Variants in FABP6 observed in about 807,000 individuals in gnomAD.
FABP6 encodes the protein fatty acid binding protein 6.
Under a neutral mutation model 14.9 loss-of-function variants are expected in FABP6, and 13 were observed. That is an observed-to-expected ratio of 0.87 (90% CI 0.57 to 1.39). FABP6 has a LOEUF of 1.39. Ranked by LOEUF, FABP6 falls within the 40% of genes most tolerant of loss-of-function variation. The probability of loss-of-function intolerance (pLI) is 0.00; values close to 1 mark genes in which losing one functional copy is unlikely to be tolerated. For missense variants in FABP6, 161 were observed against 167.2 expected, an observed-to-expected ratio of 0.96 and a Z score of 0.20; for synonymous variants, 75 against 63.6, an observed-to-expected ratio of 1.18 and a Z score of -0.85.
chr5:160,191,010 A>G (rs1759382764), intron 1 of FABP6, among the ~76,000 whole-genome samples: 1 of 149,592 alleles, frequency 6.7e-6, no homozygotes, highest in South Asian at 2.1e-4. Context: ...AATCGCTTGA[A>G]CCCAGGAGGC....
upstream of FABP6, chr5:160,229,398 C>G (rs1455531592): frequency 6.8e-7 from 1 of 1,478,316 alleles, no homozygotes; most frequent in Non-Finnish European, 9.0e-7. Context: ...CATCATAAAA[C>G]AGCAAGTGCT....
upstream of FABP6, chr5:160,229,327 G>C (rs1206732454): frequency 2.1e-6 from 2 of 940,770 alleles, no homozygotes; most frequent in African/African-American, 3.3e-5. Context: ...GCTGGCAATG[G>C]GGTGACAGCA....
rs201586051 is a variant in FABP6 at position 160,229,583 on chromosome 5, T to A, written c.26T>A (p.Met9Lys). 14 of 1,613,976 alleles carry A rather than the reference T, an allele frequency of 8.7e-6. No homozygotes were observed. In the East Asian group the frequency reaches 2.9e-4, roughly 33 times the overall value. MAFTGKFE[M>K]ESEKNYDEFM... ...ATGGCTTTCACCGGCAAGTTCGAGA[T>A]GGAGAGTGAGAAGAATTATGATGAG... The change falls in exon 1 of 4, where the codon ATG becomes AAG. Residue 9 changes from methionine (M) to lysine (K), a missense_variant. Coordinates refer to ENST00000402432, the MANE Select transcript of FABP6 (RefSeq NM_001445.3).
At chr5:160,222,279 A>C (rs928602163) in intron 3 of FABP6, among the ~76,000 whole-genome samples, 3 of 151,866 alleles carry the variant, frequency 2.0e-5, no homozygotes, top group Non-Finnish European at 4.4e-5. Context: ...TTTAGTAGAG[A>C]TGAGGTCTCT....
chr5:160,191,805 CA>C (rs144615205), intron 1 of FABP6, among the ~76,000 whole-genome samples: 75,121 of 130,060 alleles, frequency 0.58, 21,117 homozygotes, highest in East Asian at 0.76. Flanking sequence ...ACTAAAAATA[CA>C]AAAAAAAAAA....
At chr5:160,206,876 C>A (rs1299565095) in intron 2 of FABP6, among the ~76,000 whole-genome samples, 2 of 152,178 alleles carry the variant, frequency 1.3e-5, no homozygotes, top group African/African-American at 2.4e-5. Flanking sequence ...CTAGACACAG[C>A]ACCAAGGCAA....
At chr5:160,201,674 C>T (rs1440227328) in intron 2 of FABP6, among the ~76,000 whole-genome samples, 2 of 151,896 alleles carry the variant, frequency 1.3e-5, no homozygotes, top group African/African-American at 4.8e-5. Context: ...CTTCCTCTTT[C>T]CCCTCCCCCT....
rs764264956 is a variant in FABP6, at chr5:160,232,146, C to T, written c.116C>T (p.Thr39Met). The change falls in exon 2 of 4, where the codon ACG becomes ATG. Residue 39 changes from threonine (T) to methionine (M), a missense_variant. Coordinates refer to ENST00000402432, the MANE Select transcript of FABP6 (RefSeq NM_001445.3). ...AAGGCCCGCAACTTCAAGATCGTCA[C>T]GGAGGTGCAGCAGGATGGGCAGGAC... ...IEKARNFKIV[T>M]EVQQDGQDFT... 85 of 1,613,928 alleles carry T rather than the reference C, an allele frequency of 5.3e-5. No homozygotes were observed. Among genetic ancestry groups the T allele is most frequent in the Non-Finnish European group, 2.6e-5 (31 of 1,180,012 alleles).
At chr5:160,227,525 CAAA>C (rs10645896), upstream of FABP6, among the ~76,000 whole-genome samples, 4 of 99,514 alleles carry the variant, frequency 4.0e-5, no homozygotes, top group Non-Finnish European at 4.0e-5. Flanking sequence ...GACTTCACTT[CAAA>C]AAAAAAAAAA....
At chr5:160,223,356 TC>T (rs1163373241) in intron 3 of FABP6, among the ~76,000 whole-genome samples, 5 of 89,186 alleles carry the variant, frequency 5.6e-5, no homozygotes, top group East Asian at 4.6e-4. Context: ...CTTCCTTCCT[TC>T]CTTCTTTCCC....
upstream of FABP6, chr5:160,229,363 G>A: frequency 2.7e-5 from 36 of 1,324,172 alleles, no homozygotes; most frequent in Non-Finnish European, 3.4e-5. Flanking sequence ...TAACCTCGGG[G>A]CTCTGTCCCT....
intron 2 of FABP6, among the ~76,000 whole-genome samples, chr5:160,213,206 G>A (rs1306171875): frequency 6.6e-6 from 1 of 152,156 alleles, no homozygotes; most frequent in African/African-American, 2.4e-5. Flanking sequence ...CCCAACGAAA[G>A]GTGGGCCCAC....
Position 160,229,586 on chromosome 5 carries a change from A to G in FABP6, c.29A>G (p.Glu10Gly). 6.2e-7 allele frequency: 1 copy of G among 1,614,026 alleles called. No homozygotes were observed. The highest frequency in any genetic ancestry group is 1.1e-5 in the South Asian group (1 of 91,070). The change falls in exon 1 of 4, where the codon GAG becomes GGG. Residue 10 changes from glutamate to glycine, a missense_variant. Transcript: ENST00000402432. ...GCTTTCACCGGCAAGTTCGAGATGG[A>G]GAGTGAGAAGAATTATGATGAGTTC... MAFTGKFEM[E>G]SEKNYDEFMK...
intron 1 of FABP6, among the ~76,000 whole-genome samples, chr5:160,187,773 A>G (rs1159127620): frequency 6.6e-6 from 1 of 151,532 alleles, no homozygotes; most frequent in East Asian, 1.9e-4. Flanking sequence ...TTATTTTTTG[A>G]GACAGTTTCG....
At chr5:160,232,928 A>T (rs1760422760) in intron 2 of FABP6, among the ~76,000 whole-genome samples, 1 of 150,922 alleles carries the variant, frequency 6.6e-6, no homozygotes, top group South Asian at 2.1e-4. Context: ...AATAAAAAAA[A>T]CCTTGCCTTA....
chr5:160,236,537 G>C (rs1288239241), intron 3 of FABP6, among the ~76,000 whole-genome samples: 2 of 152,290 alleles, frequency 1.3e-5, no homozygotes, highest in East Asian at 3.9e-4. Flanking sequence ...AAGGCTCAGA[G>C]ACAGCAAGGG....
intron 1 of FABP6, 92 bp from the exon 2 acceptor site, chr5:160,232,006 A>T: frequency 7.1e-7 from 1 of 1,415,174 alleles, no homozygotes; most frequent in Non-Finnish European, 9.7e-7. Flanking sequence ...ACAAGGGGGT[A>T]GGGCGGTGGG....
intron 1 of FABP6, among the ~76,000 whole-genome samples, chr5:160,192,053 T>C (rs1759405697): frequency 6.6e-6 from 1 of 152,042 alleles, no homozygotes; most frequent in Admixed American, 6.6e-5. Flanking sequence ...GTGCTTTCTA[T>C]TTCTCTAACT....
At chr5:160,193,052 G>A (rs1275622745) in intron 1 of FABP6, among the ~76,000 whole-genome samples, 3 of 152,358 alleles carry the variant, frequency 2.0e-5, no homozygotes, top group African/African-American at 4.8e-5. Flanking sequence ...TTGTGTGTCC[G>A]GAATTGGTGG....
Sources: gnomAD v4.1 joint callset for allele counts (sites outside exome capture counted in the v4.1 genomes callset) on GRCh38, gnomAD v4.1.1 for gene constraint, MANE v1.5 for transcripts, NCBI Gene and HGNC (gene_info 2026-07-23, HGNC 2026-07-21) for gene names.